The following SLC4A7 variants were observed in gnomAD, a reference collection of about 807,000 sequenced individuals.
The protein encoded by SLC4A7 is sodium bicarbonate cotransporter 3.
SLC4A7 carries 51 observed loss-of-function variants against 137.6 expected under a neutral mutation model. That is an observed-to-expected ratio of 0.37 (90% CI 0.30 to 0.47). SLC4A7 has a LOEUF of 0.47. Among genes scored for constraint, SLC4A7 ranks in the 20% least tolerant of loss-of-function variants. The pLI is 1.00. For synonymous variants in SLC4A7, 542 were observed against 518.6 expected (o/e 1.05, Z -0.61); for missense variants, 1,247 against 1,525.4 (o/e 0.82, Z 3.04).
chr3:27,406,519 G>A (rs556056293), intron 13 of SLC4A7, among the ~76,000 whole-genome samples: 1 of 152,278 alleles, frequency 6.6e-6, no homozygotes, highest in Non-Finnish European at 1.5e-5. Flanking sequence ...GGCTAAATTT[G>A]TTTTCTTGTC....
At chr3:27,418,064 C>A (rs1331065128) in intron 11 of SLC4A7, among the ~76,000 whole-genome samples, 2 of 151,944 alleles carry the variant, frequency 1.3e-5, no homozygotes, top group Non-Finnish European at 2.9e-5. Context: ...TTTGAAATAG[C>A]AAAAGACTGG....
At chr3:27,392,141 T>G (rs2150086984) in intron 20 of SLC4A7, among the ~76,000 whole-genome samples, 1 of 152,256 alleles carries the variant, frequency 6.6e-6, no homozygotes, top group African/African-American at 2.4e-5. Flanking sequence ...CATAAAACAC[T>G]CAGAAAAGCT....
At chr3:27,407,735 C>G (rs1327819882) in intron 13 of SLC4A7, among the ~76,000 whole-genome samples, 1 of 152,072 alleles carries the variant, frequency 6.6e-6, no homozygotes, top group Admixed American at 6.6e-5. Context: ...GTCTAATTTG[C>G]TGAAATCATT....
At chr3:27,440,194 C>A (rs939788326) in intron 3 of SLC4A7, among the ~76,000 whole-genome samples, 1 of 152,104 alleles carries the variant, frequency 6.6e-6, no homozygotes, top group Non-Finnish European at 1.5e-5. Context: ...GCTAAAATCA[C>A]GGTGTTGGCA....
intron 1 of SLC4A7, among the ~76,000 whole-genome samples, chr3:27,464,699 A>T (rs1339928902): frequency 6.6e-6 from 1 of 152,108 alleles, no homozygotes; most frequent in Non-Finnish European, 1.5e-5. Flanking sequence ...TCTCAAAAAA[A>T]AAAGCCAGCC....
chr3:27,432,362 AT>A (rs2056383662), intron 6 of SLC4A7, among the ~76,000 whole-genome samples: 2 of 152,196 alleles, frequency 1.3e-5, no homozygotes, highest in African/African-American at 4.8e-5. Flanking sequence ...TTCATTTCTG[AT>A]ATGTAGCAGA....
At chr3:27,418,679 T>A (rs1346002193) in intron 10 of SLC4A7, 47 bp from the exon 11 acceptor site, 3 of 1,175,062 alleles carry the variant, frequency 2.6e-6, no homozygotes, top group Non-Finnish European at 3.7e-6. Flanking sequence ...TTGAAAAAAA[T>A]TTCTACACAT....
intron 9 of SLC4A7, among the ~76,000 whole-genome samples, chr3:27,421,290 G>C (rs181473528): frequency 2.6e-5 from 4 of 151,904 alleles, no homozygotes; most frequent in Non-Finnish European, 5.9e-5. Flanking sequence ...ACTTAAGTAG[G>C]AGTTCGAGAC....
intron 16 of SLC4A7, 33 bp from the exon 17 acceptor site, chr3:27,398,386 G>A (rs377426147): frequency 6.4e-7 from 1 of 1,566,194 alleles, no homozygotes; most frequent in Non-Finnish European, 8.7e-7. Context: ...AGCAGAATGG[G>A]GGATTCTTAC....
intron 6 of SLC4A7, 100 bp from the exon 7 acceptor site, chr3:27,431,769 C>G: frequency 8.2e-7 from 1 of 1,219,288 alleles, no homozygotes; most frequent in African/African-American, 1.5e-5. Flanking sequence ...TTGCATACTT[C>G]AAAGGCCCAA....
At position 27,397,790 on chromosome 3, in the gene SLC4A7, G is replaced by A. The variant is rs1456072249; in HGVS notation, c.2597C>T (p.Ser866Leu). The A allele has an allele frequency of 1.9e-6, 3 of 1,576,452 alleles. No homozygotes were observed. The highest frequency in any genetic ancestry group is 1.7e-5 in the Admixed American group (1 of 59,112). The change falls in exon 18 of 26, where the codon TCG (serine) becomes TTG (leucine). Residue 866 changes from serine (S) to leucine (L), a missense_variant. Ser to Leu is a moderately radical substitution (Grantham distance 145, BLOSUM62 -2). This residue lies in a region of SLC4A7 where 499 missense variants were observed against 664.2 expected (regional missense o/e 0.75). Transcript: ENST00000454389. ...TKRYFPTKVRSTISDFAVFLT... is the reference protein window; with the variant it reads ...TKRYFPTKVRLTISDFAVFLT... ...AAATACAGCAAAATCACTGATTGTC[G>A]ATCGCACCTATGTTAAAGGGATTAT... is the stretch of plus-strand genomic sequence containing the variant.
intron 3 of SLC4A7, 79 bp from the exon 4 acceptor site, chr3:27,437,605 A>C (rs1049328853): frequency 6.7e-6 from 6 of 894,856 alleles, no homozygotes; most frequent in Non-Finnish European, 7.9e-6. Flanking sequence ...TTGAAAATGA[A>C]ACACTTTTGT....
At chr3:27,400,105 C>T (rs997959466) in intron 16 of SLC4A7, among the ~76,000 whole-genome samples, 12 of 152,108 alleles carry the variant, frequency 7.9e-5, no homozygotes, top group African/African-American at 2.9e-4. Context: ...TAACTACTGG[C>T]AAACTTTACA....
chr3:27,442,961 T>A (rs1048800470), intron 3 of SLC4A7, among the ~76,000 whole-genome samples: 3 of 151,300 alleles, frequency 2.0e-5, no homozygotes, highest in African/African-American at 7.3e-5. Context: ...TGGGAGCCGT[T>A]TTTACTTGGC....
At chr3:27,425,031 A>G (rs918839242) in intron 7 of SLC4A7, among the ~76,000 whole-genome samples, 15 of 152,210 alleles carry the variant, frequency 9.9e-5, no homozygotes, top group African/African-American at 3.4e-4. Context: ...GAGACTAATC[A>G]TTAACACTAT....
rs1179930476 is a variant in SLC4A7, at chr3:27,434,020, T to C, written c.674A>G (p.His225Arg). The C allele has an allele frequency of 6.2e-7, 1 of 1,613,086 alleles. No individual in the cohort carries two copies. Among genetic ancestry groups the C allele is most frequent in the Non-Finnish European group, 8.5e-7 (1 of 1,179,246 alleles). Residue 225 changes from histidine to arginine, a missense_variant, in exon 6 of 26, where the codon CAT becomes CGT. His to Arg is a conservative substitution (Grantham distance 29). This residue lies in a region of SLC4A7 where 223 missense variants were observed against 203.6 expected (regional missense o/e 1.10). Transcript: ENST00000454389. ...GAATCTTTTCTCATTCTGATGATGA[T>C]GTCTCTTCAGAAGAGCTTCTCTGAC... ...ENVREALLKR[H>R]HHQNEKRFTS...
rs1288454686 is a variant in SLC4A7 at position 27,418,590 on chromosome 3, G to C, written c.1555C>G (p.Leu519Val). The change falls in exon 11 of 26, where the codon CTC (leucine) becomes GTC (valine). Residue 519 changes from leucine to valine, a missense_variant. Leu to Val is a conservative substitution (Grantham distance 32). Coordinates refer to ENST00000454389, the MANE Select transcript of SLC4A7 (RefSeq NM_001321103.2). ...VAYKAKDRND[L>V]LSGIDEFLDQ... is the part of the protein sequence containing the mutation. ...AAAAATTCATCAATTCCAGATAAGA[G>C]GTCATTTCTGTCTTTTGCTTTATAA... is the stretch of plus-strand genomic sequence containing the variant. The C allele has an allele frequency of 6.3e-7, 1 of 1,596,026 alleles. No homozygotes were observed. The highest frequency in any genetic ancestry group is 2.2e-5 in the East Asian group (1 of 44,666).
chr3:27,392,584 G>C (rs1159395883), intron 20 of SLC4A7, among the ~76,000 whole-genome samples: 1 of 152,106 alleles, frequency 6.6e-6, no homozygotes, highest in Non-Finnish European at 1.5e-5. Context: ...TCAGCATTTC[G>C]GGAGGCTGAG....
intron 24 of SLC4A7, among the ~76,000 whole-genome samples, chr3:27,380,669 T>C (rs1242789589): frequency 6.6e-6 from 1 of 152,188 alleles, no homozygotes; most frequent in Non-Finnish European, 1.5e-5. Flanking sequence ...AATCAGAATG[T>C]TGTTTACAAA....
Sources: allele counts gnomAD v4.1 joint callset (sites outside exome capture counted in the v4.1 genomes callset), GRCh38; gene constraint gnomAD v4.1.1; regional missense constraint gnomAD v4.1.1; transcripts MANE v1.5; gene names NCBI Gene and HGNC (gene_info 2026-07-23, HGNC 2026-07-21).